The following CSE1L variants were observed in gnomAD, a reference collection of about 807,000 sequenced individuals.
CSE1L encodes the protein exportin-2.
CSE1L carries 24 observed loss-of-function variants against 120.4 expected under a neutral mutation model. The observed-to-expected ratio is 0.20, with a 90% CI of 0.14 to 0.28. CSE1L has a LOEUF of 0.28. Among genes scored for constraint, CSE1L ranks in the 10% least tolerant of loss-of-function variants. CSE1L has a pLI of 1.00. For synonymous variants in CSE1L, 402 were observed against 398.3 expected (o/e 1.01, Z -0.11); for missense variants, 830 against 1,145.2 (o/e 0.72, Z 3.97).
At chr20:49,050,186 GTTTTATTTATTTATTTTTA>G (rs2091754998) in intron 1 of CSE1L, among the ~76,000 whole-genome samples, 2 of 148,382 alleles carry the variant, frequency 1.3e-5, no homozygotes, top group South Asian at 4.4e-4. Context: ...CTATTATGTG[GTTTTATTTATTTATTTTTA>G]TTTTATTTTA....
At chr20:49,085,754 T>G (rs938791750) in intron 16 of CSE1L, among the ~76,000 whole-genome samples, 1 of 151,544 alleles carries the variant, frequency 6.6e-6, no homozygotes, top group Non-Finnish European at 1.5e-5. Context: ...GTATTTTTAG[T>G]AGAGACAGGG....
intron 2 of CSE1L, among the ~76,000 whole-genome samples, chr20:49,058,782 A>G (rs1209566331): frequency 6.6e-6 from 1 of 152,208 alleles, no homozygotes; most frequent in African/African-American, 2.4e-5. Flanking sequence ...GATAAAAAGT[A>G]CTGACATGTT....
chr20:49,095,774 T>G (rs562778681), intron 24 of CSE1L, among the ~76,000 whole-genome samples: 1 of 152,288 alleles, frequency 6.6e-6, no homozygotes, highest in Non-Finnish European at 1.5e-5. Flanking sequence ...ATGCCTGTAG[T>G]TCTAGTGCTT....
intron 16 of CSE1L, among the ~76,000 whole-genome samples, chr20:49,086,656 C>T (rs2043549411): frequency 2.0e-5 from 3 of 152,096 alleles, no homozygotes; most frequent in South Asian, 2.1e-4. Context: ...TGAGCCACTG[C>T]GCCCAGCCTT....
At chr20:49,063,448 C>A in intron 3 of CSE1L, 104 bp downstream of exon 3, 1 of 637,286 alleles carries the variant, frequency 1.6e-6, no homozygotes, top group Non-Finnish European at 2.4e-6. Flanking sequence ...CCCAACTACT[C>A]TGGAGGCTGA....
intron 16 of CSE1L, among the ~76,000 whole-genome samples, chr20:49,086,904 G>T (rs1447670455): frequency 6.6e-6 from 1 of 152,140 alleles, no homozygotes; most frequent in Non-Finnish European, 1.5e-5. Context: ...CTAACCGAAC[G>T]TTAGGTGTGA....
Position 49,089,526 on chromosome 20 carries a change from T to A in CSE1L, c.1973-12T>A, listed in dbSNP as rs748491564. 1 of 1,613,480 alleles carries A rather than the reference T, an allele frequency of 6.2e-7. No homozygotes were observed. Among genetic ancestry groups the A allele is most frequent in the Non-Finnish European group, 8.5e-7 (1 of 1,179,404 alleles). On this transcript the variant is annotated splice_polypyrimidine_tract_variant and intron_variant, in intron 18 of 24. Coordinates refer to ENST00000262982, the MANE Select transcript of CSE1L (RefSeq NM_001316.4). ...CTGAAGCTCACAGCTCTGTTTTTAC[T>A]TTTATCAACAGAATTTATTCCATAC...
At chr20:49,071,213 A>G (rs763168392) in intron 8 of CSE1L, among the ~76,000 whole-genome samples, 21 of 152,242 alleles carry the variant, frequency 1.4e-4, no homozygotes, top group Admixed American at 7.9e-4. Context: ...AATTGTTACT[A>G]TCGTTGTACA....
intron 3 of CSE1L, among the ~76,000 whole-genome samples, chr20:49,065,182 A>T (rs1411218086): frequency 6.6e-6 from 1 of 151,390 alleles, no homozygotes; most frequent in Non-Finnish European, 1.5e-5. Context: ...AATAAAAAAA[A>T]TTGGAAAGAT....
At chr20:49,067,106 T>C in intron 5 of CSE1L, 84 bp from the exon 6 acceptor site, 1 of 652,256 alleles carries the variant, frequency 1.5e-6, no homozygotes, top group Non-Finnish European at 2.7e-6. Context: ...TTCATAGATG[T>C]CCAATCAGCA....
chr20:49,086,915 G>A (rs2092063187), intron 16 of CSE1L, among the ~76,000 whole-genome samples: 1 of 152,174 alleles, frequency 6.6e-6, no homozygotes, highest in Admixed American at 6.5e-5. Flanking sequence ...TTAGGTGTGA[G>A]GGATAGGTAG....
At chr20:49,053,425 C>T (rs570484552) in intron 1 of CSE1L, among the ~76,000 whole-genome samples, 12 of 133,444 alleles carry the variant, frequency 9.0e-5, no homozygotes, top group East Asian at 4.8e-4. Flanking sequence ...ATGGCGCAAT[C>T]TCGCCTCATT....
chr20:49,070,671 C>CT, intron 8 of CSE1L, among the ~76,000 whole-genome samples: 1 of 144,940 alleles, frequency 6.9e-6, no homozygotes, highest in East Asian at 2.0e-4. Context: ...TGGTTCACAC[C>CT]TGTAATCCCA....
chr20:49,046,333 T>G lies in CSE1L; in HGVS notation c.-102T>G, dbSNP rs2091709417. The G allele has an allele frequency of 6.6e-6, 1 of 152,448 alleles. No homozygotes were observed. The highest frequency in any genetic ancestry group is 2.1e-4 in the South Asian group (1 of 4,834). The allele number at this position is 152,448 out of a possible 1,614,324, so 9.4% of individuals were successfully genotyped here. On this transcript the variant is annotated 5_prime_UTR_variant, in exon 1 of 25. Transcript: ENST00000262982. ...CGCTGTCGCGCCATTTTGCCGGGGT[T>G]TGAATGTGAGGCGGAGCGGCGGCAG... is the stretch of plus-strand genomic sequence containing the variant.
chr20:49,093,700 T>A (rs988484533), intron 22 of CSE1L, among the ~76,000 whole-genome samples: 1 of 151,542 alleles, frequency 6.6e-6, no homozygotes, highest in Non-Finnish European at 1.5e-5. Flanking sequence ...GTGGATCACC[T>A]GAGGTCAGGA....
intron 7 of CSE1L, among the ~76,000 whole-genome samples, chr20:49,069,152 TG>T (rs2091914576): frequency 6.6e-6 from 1 of 152,212 alleles, no homozygotes; most frequent in Non-Finnish European, 1.5e-5. Flanking sequence ...TTCATTTATA[TG>T]GGTATTAACA....
At chr20:49,048,116 T>A (rs1256693755) in intron 1 of CSE1L, among the ~76,000 whole-genome samples, 1 of 151,734 alleles carries the variant, frequency 6.6e-6, no homozygotes, top group East Asian at 1.9e-4. Flanking sequence ...CATAGTCATA[T>A]CTTTGGCCTT....
At position 49,095,204 on chromosome 20, in the gene CSE1L, T is replaced by C. The variant is rs114245930; in HGVS notation, c.2826+241T>C. ...TGAGAACAAAGGAGGAAAAATCCCT[T>C]CAATAGAAATGTAATAAGGCTGTAT... On this transcript the variant is annotated intron_variant, in intron 24 of 24. Transcript: ENST00000262982. 1.2e-3 allele frequency: 771 copies of C among 632,116 alleles called. 5 individuals are homozygous for C. The African/African-American group carries it at 0.012, about 10-fold the overall frequency. 39.2% of individuals were successfully genotyped at this position (632,116 alleles called of 1,614,324 possible).
chr20:49,059,088 G>A (rs1195889926), intron 2 of CSE1L, among the ~76,000 whole-genome samples: 3 of 149,432 alleles, frequency 2.0e-5, no homozygotes, highest in East Asian at 2.0e-4. Flanking sequence ...CCGAGATTGC[G>A]CCACTGCACT....
Sources: allele counts gnomAD v4.1 joint callset (sites outside exome capture counted in the v4.1 genomes callset), GRCh38; gene constraint gnomAD v4.1.1; transcripts MANE v1.5; gene names NCBI Gene and HGNC (gene_info 2026-07-23, HGNC 2026-07-21).